Variants in CNTNAP5 observed in about 807,000 individuals in gnomAD.
CNTNAP5 encodes contactin associated protein family member 5.
CNTNAP5 carries 72 observed loss-of-function variants against 150.2 expected under a neutral mutation model. The observed-to-expected ratio is 0.48, with a 90% CI of 0.40 to 0.58. The LOEUF is 0.58. CNTNAP5 is among the 20% of genes least tolerant of loss of function. The pLI is 0.00. For synonymous variants in CNTNAP5, 672 were observed against 619.8 expected (o/e 1.08, Z -1.25); for missense variants, 1,636 against 1,626.2 (o/e 1.01, Z -0.10).
intron 7 of CNTNAP5, among the ~76,000 whole-genome samples, chr2:124,498,106 G>A (rs752322585): frequency 8.5e-5 from 13 of 152,104 alleles, no homozygotes; most frequent in Non-Finnish European, 1.8e-4. Context: ...TAGGTGGATG[G>A]GTTTTATTGG....
intron 1 of CNTNAP5, among the ~76,000 whole-genome samples, chr2:124,095,417 C>G (rs746579093): frequency 6.6e-6 from 1 of 152,066 alleles, no homozygotes; most frequent in Non-Finnish European, 1.5e-5. Flanking sequence ...AGCTAGATGA[C>G]AGGTTGATAG....
At position 124,356,068 on chromosome 2, in the gene CNTNAP5, T is replaced by C. The variant is rs1689992345; in HGVS notation, c.382-61375T>C. ...ATAGTTAAAAACATTTTCCTCTTTC[T>C]AAGCCTTGGTAGTCATATAGTTTGA... On this transcript the variant is annotated intron_variant, in intron 3 of 23. Coordinates refer to ENST00000682447, the MANE Select transcript of CNTNAP5 (RefSeq NM_001367498.1). 2.0e-5 allele frequency among the ~76,000 whole-genome samples: 3 copies of C among 152,320 alleles called. No homozygotes were observed. The South Asian group carries it at 6.2e-4, about 32-fold the overall frequency.
In CNTNAP5 at chr2:124,541,179, A is replaced by ATTTTTTTTTTTTTTTT. The variant is rs3980963; in HGVS notation, c.1649+13725_1649+13740dup. On this transcript the variant is annotated intron_variant, in intron 10 of 23. Transcript: ENST00000682447. ...AGAGGATAAGAAGTACAAAATTCCG[A>ATTTTTTTTTTTTTTTT]TTTTTTTTTTTTTTTTTGGTGAGAA... is the stretch of plus-strand genomic sequence containing the variant. Among the ~76,000 whole-genome samples, 244 of 83,040 alleles carry ATTTTTTTTTTTTTTTT rather than the reference A, an allele frequency of 2.9e-3. 13 individuals are homozygous for ATTTTTTTTTTTTTTTT. The highest frequency in any genetic ancestry group is 3.9e-3 in the Non-Finnish European group (170 of 43,650). The allele number at this position is 83,040 out of a possible 152,430, so 54.5% of individuals were successfully genotyped here.
At chr2:124,573,866 G>A (rs1696218927) in intron 11 of CNTNAP5, among the ~76,000 whole-genome samples, 1 of 152,146 alleles carries the variant, frequency 6.6e-6, no homozygotes, top group Non-Finnish European at 1.5e-5. Context: ...TAAAATAACA[G>A]TAACTCCTTT....
chr2:124,274,367 GAAC>G (rs1687833505), intron 3 of CNTNAP5, among the ~76,000 whole-genome samples: 1 of 152,090 alleles, frequency 6.6e-6, no homozygotes, highest in African/African-American at 2.4e-5. Flanking sequence ...AACAGTGAAA[GAAC>G]AAAAAGTCCT....
intron 13 of CNTNAP5, among the ~76,000 whole-genome samples, chr2:124,742,898 A>T (rs1000065672): frequency 1.3e-5 from 2 of 152,060 alleles, no homozygotes; most frequent in African/African-American, 4.8e-5. Context: ...GTTTTGTGGA[A>T]GTCCTTGCGT....
chr2:124,423,652 C>CTTTTTTTTTTTT (rs1187961580), intron 4 of CNTNAP5, among the ~76,000 whole-genome samples: 1 of 41,594 alleles, frequency 2.4e-5, no homozygotes, highest in Non-Finnish European at 3.9e-5. Flanking sequence ...GGCTAATTAA[C>CTTTTTTTTTTTT]TTTTTTTTTT....
chr2:124,480,298 G>A (rs1573402321), intron 7 of CNTNAP5, among the ~76,000 whole-genome samples: 2 of 152,188 alleles, frequency 1.3e-5, no homozygotes, highest in Non-Finnish European at 2.9e-5. Flanking sequence ...AAAAAGTGTT[G>A]CCTGATAGGC....
chr2:124,485,352 G>A (rs1348705297), intron 7 of CNTNAP5, among the ~76,000 whole-genome samples: 2 of 152,082 alleles, frequency 1.3e-5, no homozygotes, highest in African/African-American at 2.4e-5. Flanking sequence ...GGTGGCTCAC[G>A]CCTGTAATCC....
In CNTNAP5 at chr2:124,690,417, AT is replaced by A. The variant is rs530880702; in HGVS notation, c.2077+42465del. Among the ~76,000 whole-genome samples the A allele has an allele frequency of 3.0e-3, 453 of 152,080 alleles. 1 individual carries two copies. The highest frequency in any genetic ancestry group is 0.011 in the African/African-American group (439 of 41,498). ...GAATATACAGACAATATTCAAACGAATTTTTTCCCCAAATCACCACCAATTC... is the reference window on the plus strand; with the variant it reads ...GAATATACAGACAATATTCAAACGAATTTTTCCCCAAATCACCACCAATTC... On this transcript the variant is annotated intron_variant, in intron 13 of 23. Transcript: ENST00000682447.
At chr2:124,234,574 T>A (rs1024120204) in intron 2 of CNTNAP5, among the ~76,000 whole-genome samples, 4 of 152,170 alleles carry the variant, frequency 2.6e-5, no homozygotes, top group African/African-American at 9.7e-5. Context: ...CCTGGGTGTT[T>A]TTATGCACAC....
chr2:124,128,591 A>G (rs140760225), intron 1 of CNTNAP5, among the ~76,000 whole-genome samples: 15 of 152,266 alleles, frequency 9.9e-5, no homozygotes, highest in Middle Eastern at 6.8e-3. Context: ...AAATCATGCT[A>G]CTATAAAGAC....
At position 124,202,587 on chromosome 2, in the gene CNTNAP5, G is replaced by T. The variant is rs780531852; in HGVS notation, c.83-19118G>T. On this transcript the variant is annotated intron_variant, in intron 1 of 23. Transcript: ENST00000682447. ...TATACTGCTATGAAGAAATACCTGC[G>T]ACTGCATAATTTATAAAGAAAAAGA... Among the ~76,000 whole-genome samples the T allele has an allele frequency of 9.7e-4, 148 of 152,052 alleles. 1 individual carries two copies. Among genetic ancestry groups the T allele is most frequent in the Non-Finnish European group, 3.7e-4 (25 of 68,006 alleles).
intron 14 of CNTNAP5, among the ~76,000 whole-genome samples, chr2:124,753,460 T>C (rs1486332420): frequency 6.6e-6 from 1 of 152,226 alleles, no homozygotes; most frequent in Non-Finnish European, 1.5e-5. Flanking sequence ...TTTACTTCCT[T>C]GTTAGCCATT....
At chr2:124,831,830 T>G (rs1048839794) in intron 19 of CNTNAP5, among the ~76,000 whole-genome samples, 4 of 151,960 alleles carry the variant, frequency 2.6e-5, no homozygotes, top group African/African-American at 9.7e-5. Context: ...TTTAACAGAT[T>G]GCCTAGATTA....
chr2:124,104,068 T>A (rs1355278409), intron 1 of CNTNAP5, among the ~76,000 whole-genome samples: 1 of 149,328 alleles, frequency 6.7e-6, no homozygotes, highest in Non-Finnish European at 1.5e-5. Context: ...ATAGATTATG[T>A]ATATAGTTCT....
chr2:124,163,743 C>G (rs1435126566), intron 1 of CNTNAP5, among the ~76,000 whole-genome samples: 1 of 152,086 alleles, frequency 6.6e-6, no homozygotes, highest in African/African-American at 2.4e-5. Context: ...TAACTCTCCT[C>G]TTTCATTTCA....
chr2:124,515,250 G>A (rs1271334279), intron 8 of CNTNAP5, among the ~76,000 whole-genome samples: 3 of 152,218 alleles, frequency 2.0e-5, no homozygotes, highest in Non-Finnish European at 4.4e-5. Context: ...GAACCTTGGA[G>A]AGCGCAGAAT....
At chr2:124,103,784 T>C (rs1683113233) in intron 1 of CNTNAP5, among the ~76,000 whole-genome samples, 1 of 149,860 alleles carries the variant, frequency 6.7e-6, no homozygotes, top group African/African-American at 2.4e-5. Flanking sequence ...GAGGCATGAC[T>C]GTATATTAAG....
Sources: allele counts gnomAD v4.1 joint callset (sites outside exome capture counted in the v4.1 genomes callset), GRCh38; gene constraint gnomAD v4.1.1; transcripts MANE v1.5; gene names NCBI Gene and HGNC (gene_info 2026-07-23, HGNC 2026-07-21).